EXOC4: variants seen among roughly 807,000 people sequenced by gnomAD.
The protein encoded by EXOC4 is exocyst complex component 4.
A neutral mutation model predicts 107.2 loss-of-function variants in EXOC4; 71 were observed. That is an observed-to-expected ratio of 0.66 (90% CI 0.55 to 0.81). The LOEUF (loss-of-function observed/expected upper bound fraction) is 0.81, where lower values mean the gene tolerates loss of function less well. Among genes scored for constraint, EXOC4 ranks in the 30% least tolerant of loss-of-function variants. The pLI is 0.00. For synonymous variants in EXOC4, 456 were observed against 441.2 expected (o/e 1.03, Z -0.42); for missense variants, 1,108 against 1,189.6 (o/e 0.93, Z 1.01).
At chr7:134,079,637 C>A in the EXOC4 span, among the ~76,000 whole-genome samples, 2 of 152,186 alleles carry the variant, frequency 1.3e-5, no homozygotes, top group East Asian at 3.9e-4. Flanking sequence ...TGTCATTTCT[C>A]AGGGAGCTGC....
chr7:133,265,907 G>A (rs1210489484), intron 1 of EXOC4, among the ~76,000 whole-genome samples: 1 of 152,130 alleles, frequency 6.6e-6, no homozygotes, highest in African/African-American at 2.4e-5. Context: ...AATTCTTGTG[G>A]ATTTGCCAAG....
At chr7:134,056,054 T>C (rs1237850646) in intron 17 of EXOC4, among the ~76,000 whole-genome samples, 4 of 152,234 alleles carry the variant, frequency 2.6e-5, no homozygotes, top group Middle Eastern at 3.2e-3. Flanking sequence ...CCCAGATTGC[T>C]AATCTGAAAA....
At chr7:133,349,523 G>C (rs893811625) in intron 5 of EXOC4, among the ~76,000 whole-genome samples, 2 of 152,092 alleles carry the variant, frequency 1.3e-5, no homozygotes, top group African/African-American at 4.8e-5. Context: ...ATATTCCATT[G>C]TATGTATATA....
intron 10 of EXOC4, among the ~76,000 whole-genome samples, chr7:133,730,651 C>T (rs767497716): frequency 1.4e-4 from 22 of 152,246 alleles, no homozygotes; most frequent in Non-Finnish European, 2.8e-4. Flanking sequence ...TCCTCTATTA[C>T]TTGCTGAATT....
intron 11 of EXOC4, among the ~76,000 whole-genome samples, chr7:133,853,754 C>A (rs1440948534): frequency 6.6e-6 from 1 of 152,116 alleles, no homozygotes; most frequent in Non-Finnish European, 1.5e-5. Context: ...TGTTTGTATT[C>A]ATCTCTGAGG....
At position 133,787,955 on chromosome 7, in the gene EXOC4, TTATATATTTATATATATATATATATATA is replaced by T. The variant is rs1477798549; in HGVS notation, c.1515-29362_1515-29335del. Among the ~76,000 whole-genome samples the T allele has an allele frequency of 7.0e-4, 22 of 31,646 alleles. 2 individuals are homozygous for T. Among genetic ancestry groups the T allele is most frequent in the Admixed American group, 3.5e-3 (7 of 1,998 alleles). The allele number at this position is 31,646 out of a possible 152,430, so 20.8% of individuals were successfully genotyped here. ...AGATACTTCTTCCCTGTGCATATAT[TTATATATTTATATATATATATATATATA>T]TATATATATATATATATATATATAT... is the stretch of plus-strand genomic sequence containing the variant. On this transcript the variant is annotated intron_variant, in intron 10 of 17. Coordinates refer to ENST00000253861, the MANE Select transcript of EXOC4 (RefSeq NM_021807.4).
intron 5 of EXOC4, among the ~76,000 whole-genome samples, chr7:133,327,157 G>A (rs1249503895): frequency 6.6e-6 from 1 of 152,214 alleles, no homozygotes; most frequent in Non-Finnish European, 1.5e-5. Context: ...TGTGCTTCCC[G>A]AGTGAGGCGA....
chr7:133,351,619 G>A (rs1190954629), intron 5 of EXOC4, among the ~76,000 whole-genome samples: 3 of 151,616 alleles, frequency 2.0e-5, no homozygotes, highest in Non-Finnish European at 3.0e-5. Flanking sequence ...TTTTGATGAT[G>A]TTTTCAAAGA....
intron 6 of EXOC4, among the ~76,000 whole-genome samples, chr7:133,365,999 T>G (rs1180988150): frequency 6.6e-6 from 1 of 152,234 alleles, no homozygotes; most frequent in Non-Finnish European, 1.5e-5. Flanking sequence ...TATTAAAGTC[T>G]CAGCAGACAA....
intron 11 of EXOC4, among the ~76,000 whole-genome samples, chr7:133,828,355 A>T (rs1189140933): frequency 6.6e-6 from 1 of 152,214 alleles, no homozygotes; most frequent in African/African-American, 2.4e-5. Flanking sequence ...AATGATAGTT[A>T]GCATTCTTGG....
At chr7:133,521,777 G>A (rs1291722136) in intron 9 of EXOC4, among the ~76,000 whole-genome samples, 1 of 151,864 alleles carries the variant, frequency 6.6e-6, no homozygotes, top group African/African-American at 2.4e-5. Context: ...GTGCCACCAC[G>A]CCCGGCTAAT....
chr7:133,457,046 G>A (rs1798479212), intron 7 of EXOC4, among the ~76,000 whole-genome samples: 1 of 152,130 alleles, frequency 6.6e-6, no homozygotes, highest in African/African-American at 2.4e-5. Flanking sequence ...ATAGTGCCCT[G>A]CATTCAATAA....
chr7:133,413,811 A>T (rs1046227427), intron 7 of EXOC4, among the ~76,000 whole-genome samples: 1 of 152,132 alleles, frequency 6.6e-6, no homozygotes, highest in Non-Finnish European at 1.5e-5. Context: ...CCAAGATCAT[A>T]TACTTTCCTG....
rs557773172 is a variant in EXOC4 at position 133,805,130 on chromosome 7, T to C, written c.1515-12195T>C. On this transcript the variant is annotated intron_variant, in intron 10 of 17. Coordinates refer to ENST00000253861, the MANE Select transcript of EXOC4 (RefSeq NM_021807.4). Reference sequence around the variant, plus strand: ...CTTAATTCTAAAAGAGAAAAACAGGTAGAAAAAAAGACTAATGCTATGAAG... The same window carrying C: ...CTTAATTCTAAAAGAGAAAAACAGGCAGAAAAAAAGACTAATGCTATGAAG... Among the ~76,000 whole-genome samples, 4 of 152,124 alleles carry C rather than the reference T, an allele frequency of 2.6e-5. No individual in the cohort carries two copies. The East Asian group carries it at 7.8e-4, about 29-fold the overall frequency.
In EXOC4 at chr7:133,350,084, C is replaced by T. The variant is rs555855372; in HGVS notation, c.764-6246C>T. Among the ~76,000 whole-genome samples the T allele has an allele frequency of 5.9e-5, 9 of 152,002 alleles. No individual in the cohort carries two copies. The East Asian group carries it at 9.7e-4, about 16-fold the overall frequency. On this transcript the variant is annotated intron_variant, in intron 5 of 17. Transcript: ENST00000253861. Reference sequence around the variant, plus strand: ...ATATTTTGTATATTAATACCTTATCCGATATGTGATTTTGAATTTTTTGTC... The same window carrying T: ...ATATTTTGTATATTAATACCTTATCTGATATGTGATTTTGAATTTTTTGTC...
chr7:133,914,235 G>A (rs147176671), intron 12 of EXOC4, among the ~76,000 whole-genome samples: 1,651 of 150,046 alleles, frequency 0.011, 11 homozygotes, highest in Non-Finnish European at 0.018. Flanking sequence ...TTTTAAATAT[G>A]TAACCAAACT....
At chr7:134,007,583 A>T in intron 16 of EXOC4, 93 bp from the exon 17 acceptor site, 1 of 1,229,268 alleles carries the variant, frequency 8.1e-7, no homozygotes, top group Non-Finnish European at 1.1e-6. Context: ...TGTATAGAGG[A>T]TTAGAAGACA....
At chr7:133,466,632 T>C (rs1420843850) in intron 7 of EXOC4, among the ~76,000 whole-genome samples, 1 of 152,206 alleles carries the variant, frequency 6.6e-6, no homozygotes, top group Non-Finnish European at 1.5e-5. Flanking sequence ...ACCAGTCCTT[T>C]GCAAACTCTT....
At chr7:133,629,840 GC>G (rs1265827646) in intron 9 of EXOC4, among the ~76,000 whole-genome samples, 1 of 152,044 alleles carries the variant, frequency 6.6e-6, no homozygotes, top group Non-Finnish European at 1.5e-5. Context: ...ACCGTGCCCG[GC>G]TAGAGTGAAA....
Sources: gnomAD v4.1 joint callset for allele counts (sites outside exome capture counted in the v4.1 genomes callset) on GRCh38, gnomAD v4.1.1 for gene constraint, MANE v1.5 for transcripts, NCBI Gene and HGNC (gene_info 2026-07-23, HGNC 2026-07-21) for gene names.